GRID1: variants seen among roughly 807,000 people sequenced by gnomAD.
GRID1 encodes the protein glutamate receptor ionotropic, delta-1.
A neutral mutation model predicts 98.0 loss-of-function variants in GRID1; 28 were observed. That is an observed-to-expected ratio of 0.29 (90% CI 0.21 to 0.39). GRID1 has a LOEUF of 0.39. GRID1 is among the 10% of genes least tolerant of loss of function. The probability of loss-of-function intolerance (pLI) is 1.00; values close to 1 mark genes in which losing one functional copy is unlikely to be tolerated. For missense variants in GRID1, 1,111 were observed against 1,340.5 expected (o/e 0.83, Z 2.67); for synonymous variants, 553 against 538.5 (o/e 1.03, Z -0.37).
intron 4 of GRID1, among the ~76,000 whole-genome samples, chr10:86,074,043 A>G (rs1311302986): frequency 6.6e-6 from 1 of 152,218 alleles, no homozygotes; most frequent in Non-Finnish European, 1.5e-5. Context: ...AGATAGCTCA[A>G]TAGTCCATCT....
At chr10:85,964,392 A>G (rs1842310213) in intron 4 of GRID1, among the ~76,000 whole-genome samples, 1 of 152,132 alleles carries the variant, frequency 6.6e-6, no homozygotes, top group African/African-American at 2.4e-5. Flanking sequence ...TTCAAACTAT[A>G]CCACAAAGCT....
At chr10:85,666,387 G>A (rs1482145596) in intron 12 of GRID1, among the ~76,000 whole-genome samples, 1 of 152,138 alleles carries the variant, frequency 6.6e-6, no homozygotes, top group Non-Finnish European at 1.5e-5. Context: ...GTGTGGATAG[G>A]GACCTCCCTC....
intron 5 of GRID1, among the ~76,000 whole-genome samples, chr10:85,877,527 T>C (rs1840912805): frequency 6.6e-6 from 1 of 152,194 alleles, no homozygotes; most frequent in African/African-American, 2.4e-5. Flanking sequence ...AGTGGACCTC[T>C]AGCAAACTCC....
intron 8 of GRID1, among the ~76,000 whole-genome samples, chr10:85,774,637 C>A (rs902247282): frequency 6.6e-5 from 10 of 152,124 alleles, no homozygotes; most frequent in Non-Finnish European, 1.2e-4. Flanking sequence ...AAGAAGAAAA[C>A]AAACAACCCT....
At chr10:86,257,812 G>A (rs1055741264) in intron 2 of GRID1, among the ~76,000 whole-genome samples, 84 of 152,266 alleles carry the variant, frequency 5.5e-4, no homozygotes, top group Admixed American at 5.0e-3. Context: ...TGACATGAGC[G>A]CCAACTCCAG....
intron 12 of GRID1, among the ~76,000 whole-genome samples, chr10:85,673,553 A>G (rs1447784083): frequency 6.6e-6 from 1 of 152,204 alleles, no homozygotes; most frequent in Non-Finnish European, 1.5e-5. Flanking sequence ...CAGTCAGGAG[A>G]CATCAACTTT....
intron 2 of GRID1, among the ~76,000 whole-genome samples, chr10:86,280,005 C>G (rs149507902): frequency 6.6e-6 from 1 of 152,112 alleles, no homozygotes; most frequent in African/African-American, 2.4e-5. Flanking sequence ...GAGTTTGAGA[C>G]CAGCCTGGGC....
intron 2 of GRID1, among the ~76,000 whole-genome samples, chr10:86,220,591 C>G (rs959488171): frequency 1.3e-5 from 2 of 152,188 alleles, no homozygotes; most frequent in Non-Finnish European, 2.9e-5. Context: ...GATGGTCAGA[C>G]GCCTGGGCAT....
chr10:86,200,975 T>C (rs2132015095), intron 3 of GRID1, among the ~76,000 whole-genome samples: 1 of 152,312 alleles, frequency 6.6e-6, no homozygotes, highest in Non-Finnish European at 1.5e-5. Context: ...CATGGTAGTG[T>C]GAATAGGTAG....
At chr10:86,307,829 G>A (rs568885319) in intron 2 of GRID1, among the ~76,000 whole-genome samples, 54 of 152,148 alleles carry the variant, frequency 3.5e-4, no homozygotes, top group Non-Finnish European at 6.3e-4. Context: ...ATCTAATAAA[G>A]CTGGAGGAAA....
chr10:85,635,388 C>G (rs1843026812), intron 13 of GRID1, among the ~76,000 whole-genome samples: 2 of 152,158 alleles, frequency 1.3e-5, no homozygotes, highest in South Asian at 2.1e-4. Context: ...ACTCTGCCAC[C>G]CAGGCCCAGG....
At chr10:85,944,851 G>A (rs1464247097) in intron 4 of GRID1, among the ~76,000 whole-genome samples, 2 of 151,882 alleles carry the variant, frequency 1.3e-5, no homozygotes, top group East Asian at 1.9e-4. Flanking sequence ...ACAACGTAAC[G>A]GATATAGTAC....
intron 4 of GRID1, among the ~76,000 whole-genome samples, chr10:85,983,225 T>C (rs558603141): frequency 1.3e-5 from 2 of 152,246 alleles, no homozygotes; most frequent in South Asian, 4.1e-4. Context: ...AGTAAGGAAA[T>C]GGAGTCTCTG....
At chr10:86,120,184 C>T (rs1440183770) in intron 4 of GRID1, among the ~76,000 whole-genome samples, 1 of 152,136 alleles carries the variant, frequency 6.6e-6, no homozygotes, top group Non-Finnish European at 1.5e-5. Flanking sequence ...CCTCCACATG[C>T]CTCTTTTGAT....
intron 3 of GRID1, among the ~76,000 whole-genome samples, chr10:86,174,262 G>C (rs7905546): frequency 0.44 from 66,667 of 151,546 alleles, 17,718 homozygotes; most frequent in African/African-American, 0.74. Context: ...CTACAGTCAC[G>C]AAAACAGCAT....
intron 4 of GRID1, among the ~76,000 whole-genome samples, chr10:85,944,288 C>T (rs773275252): frequency 2.4e-4 from 36 of 152,182 alleles, no homozygotes; most frequent in South Asian, 6.2e-4. Flanking sequence ...GCAGCAAAAG[C>T]GAACAAAAAT....
At chr10:86,129,527 C>T (rs998808518) in intron 4 of GRID1, among the ~76,000 whole-genome samples, 3 of 152,302 alleles carry the variant, frequency 2.0e-5, no homozygotes, top group Admixed American at 1.3e-4. Context: ...TGAGAAGATT[C>T]GGTGAGTTTC....
chr10:85,730,349 T>G (rs1841808954), intron 8 of GRID1, among the ~76,000 whole-genome samples: 1 of 152,204 alleles, frequency 6.6e-6, no homozygotes, highest in Non-Finnish European at 1.5e-5. Flanking sequence ...TTCCCCTCCC[T>G]GCATCCTTGC....
chr10:86,017,148 A>C (rs937255792), intron 4 of GRID1, among the ~76,000 whole-genome samples: 3 of 152,212 alleles, frequency 2.0e-5, no homozygotes, highest in African/African-American at 7.2e-5. Flanking sequence ...CTTACTTGCT[A>C]TGTGTGATAA....
Sources: allele counts gnomAD v4.1 joint callset (sites outside exome capture counted in the v4.1 genomes callset), GRCh38; gene constraint gnomAD v4.1.1; transcripts MANE v1.5; gene names NCBI Gene and HGNC (gene_info 2026-07-23, HGNC 2026-07-21).